The following KYNU variants were observed in gnomAD, a reference collection of about 807,000 sequenced individuals.
KYNU encodes L-kynurenine hydrolase.
Under a neutral mutation model 59.2 loss-of-function variants are expected in KYNU, and 54 were observed. The observed-to-expected ratio is 0.91, with a 90% confidence interval of 0.73 to 1.14. The LOEUF is 1.14. Among genes scored for constraint, KYNU ranks in the 50% most tolerant of loss-of-function variants. The pLI is 0.00. For missense variants in KYNU, 567 were observed against 554.4 expected (o/e 1.02, Z -0.23); for synonymous variants, 177 against 192.0 (o/e 0.92, Z 0.65).
At chr2:143,023,059 G>T (rs1157947152) in intron 10 of KYNU, among the ~76,000 whole-genome samples, 4 of 151,528 alleles carry the variant, frequency 2.6e-5, no homozygotes, top group Non-Finnish European at 5.9e-5. Flanking sequence ...TCTTATTATT[G>T]ATTTATTTGT....
chr2:143,007,846 C>G (rs1174213482), intron 10 of KYNU, among the ~76,000 whole-genome samples: 6 of 117,420 alleles, frequency 5.1e-5, no homozygotes, highest in Non-Finnish European at 1.0e-4. Context: ...ACTTTACAGA[C>G]AAGCAAATGC....
At chr2:142,879,215 G>A (rs1681206503) in intron 1 of KYNU, among the ~76,000 whole-genome samples, 1 of 152,170 alleles carries the variant, frequency 6.6e-6, no homozygotes, top group Non-Finnish European at 1.5e-5. Context: ...CATCCTTAGA[G>A]TGAGTGCACT....
intron 10 of KYNU, among the ~76,000 whole-genome samples, chr2:142,990,999 A>G (rs1685383662): frequency 6.6e-6 from 1 of 151,906 alleles, no homozygotes; most frequent in African/African-American, 2.4e-5. Flanking sequence ...ACATTAGAAA[A>G]ACAATATGCA....
chr2:142,945,772 C>G lies in KYNU; in HGVS notation c.374-9038C>G, dbSNP rs894525775. Among the ~76,000 whole-genome samples, 5 of 149,638 alleles carry G rather than the reference C, an allele frequency of 3.3e-5. No individual in the cohort carries two copies. In the Admixed American group the frequency reaches 3.3e-4, roughly 10 times the overall value. On this transcript the variant is annotated intron_variant, in intron 4 of 13. Transcript: ENST00000264170. ...TTTTTTTTTTTTGGAAAAGCAGTCTCTATCGCTCAGGCTGGAGTGCCGTGG... is the reference window on the plus strand; with the variant it reads ...TTTTTTTTTTTTGGAAAAGCAGTCTGTATCGCTCAGGCTGGAGTGCCGTGG...
intron 10 of KYNU, among the ~76,000 whole-genome samples, chr2:143,022,519 G>T (rs573254699): frequency 1.3e-5 from 2 of 151,852 alleles, no homozygotes; most frequent in Admixed American, 6.6e-5. Flanking sequence ...CACAAAAAAT[G>T]ATAATATCTC....
chr2:142,920,082 T>A (rs351699), intron 3 of KYNU, among the ~76,000 whole-genome samples: 3,857 of 152,130 alleles, frequency 0.025, 166 homozygotes, highest in Admixed American at 0.11. Flanking sequence ...AAATAAATAA[T>A]GTTTAGCTTA....
At chr2:142,961,780 A>G (rs955187754) in intron 8 of KYNU, among the ~76,000 whole-genome samples, 4 of 152,214 alleles carry the variant, frequency 2.6e-5, no homozygotes, top group African/African-American at 9.6e-5. Flanking sequence ...AACAGTCACA[A>G]TTTGTGTTTA....
chr2:142,877,784 A>C (rs1681147068), intron 1 of KYNU, 48 bp downstream of exon 1: 1 of 152,048 alleles, frequency 6.6e-6, no homozygotes, highest in Admixed American at 6.6e-5. Context: ...TGTTTACTCC[A>C]TGTTTTTTCC....
intron 3 of KYNU, among the ~76,000 whole-genome samples, chr2:142,926,937 G>C (rs1683063595): frequency 6.6e-6 from 1 of 152,194 alleles, no homozygotes; most frequent in East Asian, 1.9e-4. Flanking sequence ...ACAGCACTCA[G>C]AGGCGCTTCA....
chr2:142,900,198 G>A (rs1234695028), intron 2 of KYNU, among the ~76,000 whole-genome samples: 1 of 152,200 alleles, frequency 6.6e-6, no homozygotes, highest in East Asian at 1.9e-4. Flanking sequence ...GCCTGATCAG[G>A]AGTGGCAGCG....
chr2:143,040,700 C>T (rs1401503292), intron 13 of KYNU, 42 bp downstream of exon 13: 7 of 1,288,006 alleles, frequency 5.4e-6, no homozygotes, highest in Non-Finnish European at 4.4e-6. Context: ...GTCTATGGGC[C>T]GCATGTTAGG....
rs75426583 is a variant in KYNU, at chr2:142,983,368, C to G, written c.730-1716C>G. On this transcript the variant is annotated intron_variant, in intron 8 of 13. Transcript: ENST00000264170. ...TATTTTTATTACATGTGCTAACATT[C>G]TGTTGGTCTAAACAAGTCACATGGC... Among the ~76,000 whole-genome samples, 525 of 152,156 alleles carry G rather than the reference C, an allele frequency of 3.5e-3. 2 individuals carry two copies. Among genetic ancestry groups the G allele is most frequent in the African/African-American group, 0.012 (506 of 41,550 alleles).
At chr2:143,036,403 A>G (rs1686895152) in intron 12 of KYNU, among the ~76,000 whole-genome samples, 1 of 152,044 alleles carries the variant, frequency 6.6e-6, no homozygotes, top group Non-Finnish European at 1.5e-5. Flanking sequence ...AGTAACTTAG[A>G]ACTTTTTAAA....
At chr2:142,947,467 A>G (rs1447845268) in intron 4 of KYNU, 6 of 395,166 alleles carry the variant, frequency 1.5e-5, no homozygotes, top group Non-Finnish European at 2.7e-5. Flanking sequence ...CCTTTTTCCC[A>G]GCTCTTCTGA....
intron 2 of KYNU, among the ~76,000 whole-genome samples, chr2:142,910,950 C>T (rs1682460590): frequency 6.6e-6 from 1 of 152,100 alleles, no homozygotes; most frequent in Admixed American, 6.6e-5. Flanking sequence ...GGTCCCAGTA[C>T]CATGGTGTTT....
chr2:143,040,455 T>C lies in KYNU; in HGVS notation c.1069T>C (p.Leu357=). The change falls in exon 13 of 14, where the codon TTG becomes CTG. Residue 357 remains leucine (L), a synonymous_variant. Transcript: ENST00000264170. ...EIFKQATMKA[L]RKKSVLLTGY... is the part of the protein sequence containing the mutation. ...CTTTAAGCAAGCGACAATGAAGGCA[T>C]TGCGGAAAAAATCTGTTTTGCTAAC... 1.2e-6 allele frequency: 2 copies of C among 1,612,938 alleles called. No homozygotes were observed. Among genetic ancestry groups the C allele is most frequent in the South Asian group, 1.1e-5 (1 of 91,038 alleles).
intron 8 of KYNU, among the ~76,000 whole-genome samples, chr2:142,968,305 T>TA (rs1268897346): frequency 1.3e-5 from 2 of 152,152 alleles, no homozygotes; most frequent in Non-Finnish European, 2.9e-5. Flanking sequence ...AGTTATCAGG[T>TA]AAAATCCCTT....
intron 10 of KYNU, among the ~76,000 whole-genome samples, chr2:142,986,542 T>C (rs1461452786): frequency 1.3e-5 from 2 of 151,948 alleles, no homozygotes; most frequent in Non-Finnish European, 1.5e-5. Context: ...AACAACAGAC[T>C]GACTACATAA....
At chr2:143,030,140 A>G (rs1166119719) in intron 11 of KYNU, among the ~76,000 whole-genome samples, 1 of 152,180 alleles carries the variant, frequency 6.6e-6, no homozygotes, top group Non-Finnish European at 1.5e-5. Context: ...CTATTTAAAG[A>G]TTTGGTTTTA....
Sources: allele counts gnomAD v4.1 joint callset (sites outside exome capture counted in the v4.1 genomes callset), GRCh38; gene constraint gnomAD v4.1.1; transcripts MANE v1.5; gene names NCBI Gene and HGNC (gene_info 2026-07-23, HGNC 2026-07-21).